FRMPD4: variants seen among roughly 807,000 people sequenced by gnomAD.
FRMPD4 encodes the protein FERM and PDZ domain containing 4, also known as FERM and PDZ domain-containing protein 4.
A neutral mutation model predicts 94.1 loss-of-function variants in FRMPD4; 22 were observed. The observed-to-expected ratio is 0.23, with a 90% CI of 0.17 to 0.33. The LOEUF is 0.33. Ranked by LOEUF, FRMPD4 falls within the 10% of genes least tolerant of loss-of-function variation. The pLI is 1.00. For synonymous variants in FRMPD4, 631 were observed against 548.6 expected (o/e 1.15, Z -2.10); for missense variants, 1,111 against 1,339.9 (o/e 0.83, Z 2.67).
intron 2 of FRMPD4, among the ~76,000 whole-genome samples, chrX:12,604,223 G>A (rs1024061348): frequency 9.0e-6 from 1 of 110,593 alleles, no homozygotes; most frequent in Non-Finnish European, 1.9e-5. Context: ...TGCCTGTATC[G>A]CCCCTAATTA....
Position 12,463,698 on chromosome X carries a change from G to GT in FRMPD4, c.42-34970dup, listed in dbSNP as rs1357648486. 3.2e-3 allele frequency among the ~76,000 whole-genome samples: 259 copies of GT among 81,457 alleles called. 5 individuals are homozygous for GT. Among genetic ancestry groups the GT allele is most frequent in the Non-Finnish European group, 4.3e-3 (196 of 45,203 alleles). 70.7% of individuals were successfully genotyped at this position (81,457 alleles called of 115,157 possible). On this transcript the variant is annotated intron_variant, in intron 1 of 16. Transcript: ENST00000675598. ...ATGTGTGTGTTTTTTTTTTGTTTTT[G>GT]TTTTTTTTTTTTAACAGAGCATGAA...
At chrX:12,128,579 A>T (rs2055521215) in intron 3 of FRMPD4, among the ~76,000 whole-genome samples, 2 of 112,385 alleles carry the variant, frequency 1.8e-5, no homozygotes, top group South Asian at 7.4e-4. Context: ...GGTGATTAAC[A>T]TTCAGCTCCT....
chrX:12,590,845 A>C (rs2058975778), intron 2 of FRMPD4, among the ~76,000 whole-genome samples: 1 of 111,698 alleles, frequency 9.0e-6, no homozygotes, highest in Non-Finnish European at 1.9e-5. Context: ...TCCCACCCTA[A>C]ATGTTGGGAA....
intron 3 of FRMPD4, among the ~76,000 whole-genome samples, chrX:11,957,227 T>G (rs1461474901): frequency 9.0e-6 from 1 of 111,546 alleles, no homozygotes; most frequent in African/African-American, 3.3e-5. Context: ...CTCAATCAAA[T>G]GAGGGAGCCA....
At chrX:12,428,086 C>T (rs1464726945) in intron 1 of FRMPD4, among the ~76,000 whole-genome samples, 1 of 107,963 alleles carries the variant, frequency 9.3e-6, no homozygotes, top group African/African-American at 3.4e-5. Context: ...ATTTTTTTTG[C>T]ATTTATAGTA....
intron 3 of FRMPD4, among the ~76,000 whole-genome samples, chrX:12,073,808 G>A (rs774508324): frequency 2.7e-5 from 3 of 112,340 alleles, no homozygotes; most frequent in African/African-American, 6.5e-5. Context: ...GGGCTCAAAC[G>A]ATCCTCATGT....
intron 2 of FRMPD4, among the ~76,000 whole-genome samples, chrX:11,877,805 C>T (rs1464918162): frequency 9.0e-6 from 1 of 111,520 alleles, no homozygotes; most frequent in Admixed American, 9.5e-5. Context: ...CCTCTCCTTC[C>T]TCTCTCTCTC....
intron 2 of FRMPD4, among the ~76,000 whole-genome samples, chrX:12,586,332 T>G (rs1016192000): frequency 1.8e-5 from 2 of 113,029 alleles, no homozygotes. Flanking sequence ...AAGCTTGTTC[T>G]TTGCTGTCAT....
At chrX:12,283,770 G>A (rs1476488764) in intron 1 of FRMPD4, among the ~76,000 whole-genome samples, 2 of 111,166 alleles carry the variant, frequency 1.8e-5, no homozygotes, top group African/African-American at 6.5e-5. Context: ...TTTTGTGCTT[G>A]ATATTTTCTT....
At chrX:12,203,208 T>C (rs1235598194) in intron 1 of FRMPD4, among the ~76,000 whole-genome samples, 1 of 111,626 alleles carries the variant, frequency 9.0e-6, no homozygotes, top group African/African-American at 3.3e-5. Flanking sequence ...TAAAACACTC[T>C]AGATAAATTG....
intron 4 of FRMPD4, among the ~76,000 whole-genome samples, chrX:12,621,968 G>GAGAAAGAAAGAAAGAAAGAAAGAAAGAA (rs1171799513): frequency 4.9e-5 from 2 of 41,077 alleles, no homozygotes; most frequent in African/African-American, 2.1e-4. Flanking sequence ...AAGAAAGAAA[G>GAGAAAGAAAGAAAGAAAGAAAGAAAGAA]AGAAAGAAAG....
chrX:11,841,761 A>G (rs1424369576), intron 1 of FRMPD4, among the ~76,000 whole-genome samples: 3 of 105,039 alleles, frequency 2.9e-5, no homozygotes, highest in African/African-American at 1.0e-4. Context: ...ATTAGATCCC[A>G]TTTGTCAATT....
intron 3 of FRMPD4, among the ~76,000 whole-genome samples, chrX:12,076,596 C>T (rs1374076279): frequency 9.0e-6 from 1 of 110,915 alleles, no homozygotes; most frequent in African/African-American, 3.3e-5. Flanking sequence ...GCTATTCCCA[C>T]TTTGATCTGG....
At chrX:12,507,816 A>G (rs1446855377) in intron 2 of FRMPD4, among the ~76,000 whole-genome samples, 2 of 111,506 alleles carry the variant, frequency 1.8e-5, no homozygotes, top group African/African-American at 6.5e-5. Flanking sequence ...GAGAAGTACA[A>G]CTTTTAATAT....
chrX:12,030,281 A>T (rs968069890), intron 3 of FRMPD4, among the ~76,000 whole-genome samples: 1 of 112,074 alleles, frequency 8.9e-6, no homozygotes, highest in Non-Finnish European at 1.9e-5. Flanking sequence ...CCAGTTCAGC[A>T]CCACTCTATT....
intron 3 of FRMPD4, among the ~76,000 whole-genome samples, chrX:12,131,240 A>G (rs913927534): frequency 1.8e-5 from 2 of 112,261 alleles, no homozygotes; most frequent in Non-Finnish European, 3.8e-5. Context: ...TGAGCTAATC[A>G]TTGTGTATTT....
intron 1 of FRMPD4, among the ~76,000 whole-genome samples, chrX:12,378,408 A>G (rs895696368): frequency 8.9e-6 from 1 of 112,465 alleles, no homozygotes; most frequent in African/African-American, 3.2e-5. Context: ...CTCTCTAGTC[A>G]TGTGCTGTGA....
chrX:12,088,358 TGCCCTCATGACCTAATCA>T (rs949912605), intron 3 of FRMPD4, among the ~76,000 whole-genome samples: 1 of 111,695 alleles, frequency 9.0e-6, no homozygotes, highest in African/African-American at 3.3e-5. Context: ...ATGAGGGCTC[TGCCCTCATGACCTAATCA>T]CCTCTCAATT....
intron 1 of FRMPD4, among the ~76,000 whole-genome samples, chrX:12,170,576 T>G (rs1035029733): frequency 1.8e-5 from 2 of 112,561 alleles, no homozygotes; most frequent in African/African-American, 3.2e-5. Context: ...TTTATCAAGC[T>G]GAATAGGTGA....
Sources: gnomAD v4.1 joint callset for allele counts (sites outside exome capture counted in the v4.1 genomes callset) on GRCh38, gnomAD v4.1.1 for gene constraint, MANE v1.5 for transcripts, NCBI Gene and HGNC (gene_info 2026-07-23, HGNC 2026-07-21) for gene names.